The following NCOR1 variants were observed in gnomAD, a reference collection of about 807,000 sequenced individuals.
NCOR1 encodes the protein nuclear receptor corepressor 1, also known as protein phosphatase 1, regulatory subunit 109.
Under a neutral mutation model 288.1 loss-of-function variants are expected in NCOR1, and 63 were observed. That is an observed-to-expected ratio of 0.22 (90% CI 0.18 to 0.27). NCOR1 has a LOEUF of 0.27. NCOR1 is among the 10% of genes least tolerant of loss of function. The probability of loss-of-function intolerance (pLI) is 1.00; values close to 1 mark genes in which losing one functional copy is unlikely to be tolerated. For synonymous variants in NCOR1, 1,007 were observed against 1,065.9 expected, an observed-to-expected ratio of 0.94 and a Z score of 1.08; for missense variants, 2,397 against 3,019.2, an observed-to-expected ratio of 0.79 and a Z score of 4.83.
At chr17:16,209,679 C>T (rs1278374968) in intron 1 of NCOR1, among the ~76,000 whole-genome samples, 1 of 148,758 alleles carries the variant, frequency 6.7e-6, no homozygotes, top group Non-Finnish European at 1.5e-5. Flanking sequence ...CGGCCAAGTG[C>T]GATGGCTCAC....
intron 27 of NCOR1, among the ~76,000 whole-genome samples, chr17:16,074,599 G>A (rs1300704430): frequency 1.8e-4 from 27 of 152,176 alleles, no homozygotes; most frequent in Admixed American, 1.8e-3. Context: ...CTGGCACTAT[G>A]TACGCACATA....
chr17:16,145,673 G>C (rs1021378539), intron 10 of NCOR1, among the ~76,000 whole-genome samples: 2 of 152,082 alleles, frequency 1.3e-5, no homozygotes, highest in Non-Finnish European at 1.5e-5. Flanking sequence ...TCCGGGAGGT[G>C]GGGGGCAGCC....
intron 21 of NCOR1, among the ~76,000 whole-genome samples, chr17:16,094,822 A>C (rs1484968305): frequency 6.6e-6 from 1 of 152,008 alleles, no homozygotes; most frequent in Admixed American, 6.6e-5. Context: ...CAGCCTCGGC[A>C]TTCTGAGGTG....
At chr17:16,156,435 C>T (rs942164298) in intron 6 of NCOR1, among the ~76,000 whole-genome samples, 1 of 104,432 alleles carries the variant, frequency 9.6e-6, no homozygotes, top group Admixed American at 1.2e-4. Flanking sequence ...AACTCTGTCT[C>T]GAAAAAAAAA....
At chr17:16,087,251 C>T (rs745708330) in intron 22 of NCOR1, 66 of 1,304,170 alleles carry the variant, frequency 5.1e-5, no homozygotes, top group Non-Finnish European at 6.3e-5. Flanking sequence ...AAAGCCTACA[C>T]GGTGAGGCTG....
chr17:16,105,303 GA>G (rs1353152419), intron 19 of NCOR1, among the ~76,000 whole-genome samples: 1 of 152,144 alleles, frequency 6.6e-6, no homozygotes, highest in Non-Finnish European at 1.5e-5. Context: ...TATGGTCCCA[GA>G]TACTTGGGGG....
intron 3 of NCOR1, among the ~76,000 whole-genome samples, chr17:16,181,211 A>ATGTGTATGTG (rs1555787780): frequency 7.2e-6 from 1 of 139,498 alleles, no homozygotes; most frequent in South Asian, 2.4e-4. Flanking sequence ...ATATATATGT[A>ATGTGTATGTG]TGTGTGTGTG....
chr17:16,045,159 A>G (rs1376473582), intron 42 of NCOR1: 1 of 203,958 alleles, frequency 4.9e-6, no homozygotes, highest in African/African-American at 2.4e-5. Flanking sequence ...AACCCAGAGG[A>G]AAAAGGTTCT....
intron 10 of NCOR1, among the ~76,000 whole-genome samples, chr17:16,145,129 G>C (rs1275439496): frequency 6.6e-6 from 1 of 152,236 alleles, no homozygotes; most frequent in Non-Finnish European, 1.5e-5. Context: ...TCCAGCTCCT[G>C]ACCGCGAGTG....
intron 14 of NCOR1, among the ~76,000 whole-genome samples, chr17:16,127,940 C>T (rs919994750): frequency 6.6e-6 from 1 of 151,946 alleles, no homozygotes; most frequent in African/African-American, 2.4e-5. Flanking sequence ...CAGCCTCAAA[C>T]TCCCAGGCTC....
intron 14 of NCOR1, among the ~76,000 whole-genome samples, chr17:16,136,485 C>A (rs1185946686): frequency 6.6e-6 from 1 of 152,140 alleles, no homozygotes; most frequent in African/African-American, 2.4e-5. Context: ...AGCCACTACA[C>A]CCAGACAGAA....
chr17:16,156,472 A>C (rs1300228368), intron 6 of NCOR1, among the ~76,000 whole-genome samples: 1 of 149,550 alleles, frequency 6.7e-6, no homozygotes, highest in Non-Finnish European at 1.5e-5. Flanking sequence ...AAAGCGAAAA[A>C]AAAAAGAAAA....
chr17:16,145,447 T>C (rs1452279658), intron 10 of NCOR1, among the ~76,000 whole-genome samples: 2 of 123,568 alleles, frequency 1.6e-5, no homozygotes, highest in African/African-American at 5.3e-5. Flanking sequence ...TCGTCTGGGA[T>C]GTGGGGAGTG....
chr17:16,204,839 C>T (rs1312604847), intron 1 of NCOR1, among the ~76,000 whole-genome samples: 2 of 152,174 alleles, frequency 1.3e-5, no homozygotes, highest in East Asian at 3.8e-4. Flanking sequence ...TGCCCAAGGT[C>T]CCACAGCAGC....
intron 1 of NCOR1, among the ~76,000 whole-genome samples, chr17:16,213,277 G>A (rs1346004129): frequency 6.6e-6 from 1 of 151,852 alleles, no homozygotes; most frequent in Admixed American, 6.6e-5. Context: ...CGGATCACGA[G>A]GTCAGGAGAT....
At chr17:16,171,156 AC>A (rs2083080105) in intron 4 of NCOR1, among the ~76,000 whole-genome samples, 1 of 152,202 alleles carries the variant, frequency 6.6e-6, no homozygotes, top group Non-Finnish European at 1.5e-5. Context: ...CCCAATGTAT[AC>A]ATACATCAAA....
At chr17:16,091,570 TG>T (rs1237719193) in intron 22 of NCOR1, 10 of 1,204,158 alleles carry the variant, frequency 8.3e-6, no homozygotes, top group Non-Finnish European at 1.0e-5. Context: ...AAAATTCAGA[TG>T]AACGGAACAT....
At chr17:16,175,916 G>A (rs770686462) in intron 3 of NCOR1, among the ~76,000 whole-genome samples, 11 of 151,790 alleles carry the variant, frequency 7.2e-5, no homozygotes, top group Non-Finnish European at 1.5e-4. Context: ...GGCTGGATTC[G>A]GTCATCAAGA....
chr17:16,190,378 A>C (rs993317812), intron 2 of NCOR1, among the ~76,000 whole-genome samples: 1 of 151,944 alleles, frequency 6.6e-6, no homozygotes, highest in Admixed American at 6.6e-5. Flanking sequence ...TCTGTTGCCC[A>C]GGCTGGAGTG....
Sources: allele counts gnomAD v4.1 joint callset (sites outside exome capture counted in the v4.1 genomes callset), GRCh38; gene constraint gnomAD v4.1.1; transcripts MANE v1.5; gene names NCBI Gene and HGNC (gene_info 2026-07-23, HGNC 2026-07-21).